DNAH6: variants seen among roughly 807,000 people sequenced by gnomAD.
DNAH6 encodes the protein dynein axonemal heavy chain 6.
In DNAH6, 340 loss-of-function variants were observed where a neutral mutation model predicts 491.4. The observed-to-expected ratio is 0.69, with a 90% CI of 0.63 to 0.76. DNAH6 has a LOEUF of 0.76. DNAH6 is among the 30% of genes least tolerant of loss of function. DNAH6 has a pLI of 0.00. For synonymous variants in DNAH6, 1,603 were observed against 1,686.1 expected (o/e 0.95, Z 1.21); for missense variants, 4,443 against 4,972.2 (o/e 0.89, Z 3.20).
At chr2:84,705,456 T>A (rs1267182469) in intron 51 of DNAH6, 30 bp from the exon 52 acceptor site, 2 of 1,496,770 alleles carry the variant, frequency 1.3e-6, no homozygotes, top group East Asian at 4.9e-5. Flanking sequence ...TTCATTTCAG[T>A]GCCATTAATA....
At chr2:84,478,363 A>C in the DNAH6 span, among the ~76,000 whole-genome samples, 1 of 152,190 alleles carries the variant, frequency 6.6e-6, no homozygotes, top group Admixed American at 6.5e-5. Context: ...TCTGACAGAG[A>C]GTGGCACTGC....
chr2:84,681,255 T>C (rs1274912453), intron 41 of DNAH6, 102 bp from the exon 42 acceptor site: 11 of 1,016,448 alleles, frequency 1.1e-5, no homozygotes, highest in Non-Finnish European at 9.7e-6. Flanking sequence ...TGTTGGAATT[T>C]GGCTTTCTAT....
At chr2:84,785,953 G>A (rs1016872337) in intron 67 of DNAH6, among the ~76,000 whole-genome samples, 197 bp downstream of exon 67, 13 of 152,182 alleles carry the variant, frequency 8.5e-5, no homozygotes, top group African/African-American at 2.7e-4. Flanking sequence ...CTCACCTCTC[G>A]TCTGATCTGC....
intron 29 of DNAH6, among the ~76,000 whole-genome samples, chr2:84,629,137 T>C (rs1688158160): frequency 6.6e-6 from 1 of 152,222 alleles, no homozygotes; most frequent in Non-Finnish European, 1.5e-5. Flanking sequence ...GCTCTGTTTT[T>C]ATGATTTTTT....
At position 84,694,014 on chromosome 2, in the gene DNAH6, C is replaced by T. The variant is rs549922929; in HGVS notation, c.7293-235C>T. ...GATTTTACTTTATTCTAAATTTGTA[C>T]GACTAGGGCCGAGACCCAACAGCCT... On this transcript the variant is annotated intron_variant, in intron 45 of 76. Transcript: ENST00000389394. Among the ~76,000 whole-genome samples, 41 of 152,286 alleles carry T rather than the reference C, an allele frequency of 2.7e-4. 1 individual carries two copies. Among genetic ancestry groups the T allele is most frequent in the Non-Finnish European group, 4.6e-4 (31 of 68,018 alleles).
chr2:84,807,396 C>T (rs964832930), intron 71 of DNAH6, among the ~76,000 whole-genome samples: 1 of 152,216 alleles, frequency 6.6e-6, no homozygotes, highest in African/African-American at 2.4e-5. Flanking sequence ...CGTTCTTCAT[C>T]TGAGCCTGCA....
intron 70 of DNAH6, 132 bp from the exon 71 acceptor site, chr2:84,805,533 A>G: frequency 1.2e-6 from 1 of 821,186 alleles, no homozygotes; most frequent in Non-Finnish European, 1.8e-6. Context: ...TTCTTACCAC[A>G]ATAAAATAAA....
At chr2:84,784,899 A>G (rs1677031737) in intron 66 of DNAH6, 89 bp downstream of exon 66, 1 of 903,014 alleles carries the variant, frequency 1.1e-6, no homozygotes. Context: ...GCCTGCACAG[A>G]AGCATGTGGA....
At chr2:84,805,541 A>G (rs1679334503) in intron 70 of DNAH6, 124 bp from the exon 71 acceptor site, 5 of 866,904 alleles carry the variant, frequency 5.8e-6, no homozygotes, top group East Asian at 2.8e-5. Flanking sequence ...ACAATAAAAT[A>G]AAGTGAAAAT....
intron 37 of DNAH6, among the ~76,000 whole-genome samples, chr2:84,662,089 G>T (rs1341546716): frequency 3.3e-5 from 5 of 152,110 alleles, no homozygotes; most frequent in Non-Finnish European, 5.9e-5. Flanking sequence ...GACAAAAAAG[G>T]TTATGTTATA....
At chr2:84,468,453 A>G in the DNAH6 span, among the ~76,000 whole-genome samples, 15 of 152,216 alleles carry the variant, frequency 9.9e-5, no homozygotes, top group African/African-American at 3.4e-4. Context: ...GTTTTTAACT[A>G]AACTGATTTT....
rs571395862 is a variant in DNAH6, at chr2:84,786,547, A to G, written c.11101-617A>G. Among the ~76,000 whole-genome samples the G allele has an allele frequency of 8.5e-5, 13 of 152,310 alleles. No homozygotes were observed. In the East Asian group the frequency reaches 2.5e-3, roughly 29 times the overall value. On this transcript the variant is annotated intron_variant, in intron 67 of 76. Transcript: ENST00000389394. ...GGTGAGGCCCTTGTTCCGCTAACAAAAGCAGCTGAGATGAGGAGGTAGTTT... is the reference window on the plus strand; with the variant it reads ...GGTGAGGCCCTTGTTCCGCTAACAAGAGCAGCTGAGATGAGGAGGTAGTTT...
chr2:84,542,584 C>A (rs530488057), intron 4 of DNAH6, among the ~76,000 whole-genome samples: 4 of 152,250 alleles, frequency 2.6e-5, no homozygotes, highest in East Asian at 1.9e-4. Context: ...ATCAGCCCCC[C>A]ACATCTCCTT....
intron 45 of DNAH6, 140 bp from the exon 46 acceptor site, chr2:84,694,109 A>G: frequency 1.5e-6 from 1 of 679,354 alleles, no homozygotes; most frequent in Middle Eastern, 4.0e-4. Context: ...CTGGCCTCAG[A>G]TGCAGCCTGC....
At chr2:84,719,419 A>G (rs923292077) in intron 59 of DNAH6, among the ~76,000 whole-genome samples, 1 of 152,174 alleles carries the variant, frequency 6.6e-6, no homozygotes, top group Admixed American at 6.5e-5. Context: ...TATTATGAAA[A>G]ATAGCATTCC....
the DNAH6 span, among the ~76,000 whole-genome samples, chr2:84,505,640 T>G: frequency 6.6e-6 from 1 of 152,204 alleles, no homozygotes; most frequent in Non-Finnish European, 1.5e-5. Context: ...ACATGTGCCA[T>G]GTTGGTGTGC....
At chr2:84,657,720 A>G (rs892720519) in intron 35 of DNAH6, among the ~76,000 whole-genome samples, 13 of 151,890 alleles carry the variant, frequency 8.6e-5, no homozygotes, top group African/African-American at 2.9e-4. Context: ...TGTTTTGTCA[A>G]TTTAGGTAGA....
chr2:84,690,754 A>G (rs1413267616), intron 45 of DNAH6, among the ~76,000 whole-genome samples: 2 of 152,206 alleles, frequency 1.3e-5, no homozygotes, highest in Non-Finnish European at 2.9e-5. Flanking sequence ...GAGAAAACAT[A>G]TTTCTGCTTT....
intron 4 of DNAH6, among the ~76,000 whole-genome samples, chr2:84,533,842 C>T (rs1300054423): frequency 6.6e-6 from 1 of 152,064 alleles, no homozygotes; most frequent in African/African-American, 2.4e-5. Flanking sequence ...ATTCTGGATC[C>T]ATAGATTGTC....
Sources: allele counts gnomAD v4.1 joint callset (sites outside exome capture counted in the v4.1 genomes callset), GRCh38; gene constraint gnomAD v4.1.1; transcripts MANE v1.5; gene names NCBI Gene and HGNC (gene_info 2026-07-23, HGNC 2026-07-21).